The following CHIA variants were observed in gnomAD, a reference collection of about 807,000 sequenced individuals.
CHIA encodes the protein chitinase acidic, also known as acidic mammalian chitinase.
In CHIA, 47 loss-of-function variants were observed where a neutral mutation model predicts 53.5. The ratio of observed to expected loss-of-function variants is 0.88; its 90% confidence interval spans 0.70 to 1.12. CHIA has a LOEUF of 1.12. Ranked by LOEUF, CHIA falls within the 50% of genes most tolerant of loss-of-function variation. The pLI is 0.00. For missense variants in CHIA, 652 were observed against 592.2 expected, an observed-to-expected ratio of 1.10 and a Z score of -1.05; for synonymous variants, 268 against 222.2, an observed-to-expected ratio of 1.21 and a Z score of -1.83.
chr1:111,314,326 T>C (rs1230737349), intron 4 of CHIA, among the ~76,000 whole-genome samples: 1 of 152,230 alleles, frequency 6.6e-6, no homozygotes, highest in Non-Finnish European at 1.5e-5. Context: ...AAGCCCAGTT[T>C]CAAAATTTAG....
intron 1 of CHIA, among the ~76,000 whole-genome samples, chr1:111,303,459 A>G (rs958997770): frequency 5.9e-5 from 9 of 152,110 alleles, no homozygotes; most frequent in Admixed American, 2.6e-4. Context: ...ACACATATAC[A>G]TATATACATA....
At position 111,314,673 on chromosome 1, in the gene CHIA, G is replaced by A. The variant is rs74618736; in HGVS notation, c.314+77G>A. Reference sequence around the variant, plus strand: ...GCCCCATGTGATCACTGTCCCTTTAGACTTCACAATCTAAGACAGGGTATT... The same window carrying A: ...GCCCCATGTGATCACTGTCCCTTTAAACTTCACAATCTAAGACAGGGTATT... On this transcript the variant is annotated intron_variant, in intron 5 of 11. Transcript: ENST00000369740. 3,322 of 1,002,884 alleles carry A rather than the reference G, an allele frequency of 3.3e-3. 9 individuals carry two copies. Among genetic ancestry groups the A allele is most frequent in the Non-Finnish European group, 4.5e-3 (2,817 of 628,378 alleles). 62.1% of individuals were successfully genotyped at this position (1,002,884 alleles called of 1,614,324 possible). A position where few individuals can be genotyped will look rare whatever the true frequency, so the allele number is the denominator to read the frequency against.
intron 1 of CHIA, among the ~76,000 whole-genome samples, chr1:111,306,384 G>A (rs1648188713): frequency 6.6e-6 from 1 of 151,958 alleles, no homozygotes; most frequent in African/African-American, 2.4e-5. Flanking sequence ...AAATTATGCT[G>A]GGGCAAGTAG....
intron 11 of CHIA, 63 bp downstream of exon 11, chr1:111,319,531 C>T: frequency 6.6e-7 from 1 of 1,510,692 alleles, no homozygotes; most frequent in Non-Finnish European, 9.1e-7. Context: ...AAAAAGCAAC[C>T]CTGATGTCTT....
intron 1 of CHIA, among the ~76,000 whole-genome samples, chr1:111,304,477 C>A (rs577259461): frequency 6.6e-6 from 1 of 152,086 alleles, no homozygotes; most frequent in Non-Finnish European, 1.5e-5. Context: ...ACTCTCCTAT[C>A]TTCATGTTTA....
intron 1 of CHIA, among the ~76,000 whole-genome samples, chr1:111,304,906 A>G (rs1212405872): frequency 6.6e-6 from 1 of 151,778 alleles, no homozygotes; most frequent in Non-Finnish European, 1.5e-5. Context: ...GTTTTTTGTT[A>G]CTGTTTTGGT....
Position 111,319,311 on chromosome 1 carries a change from C to G in CHIA, c.1036-16C>G. 6.2e-7 allele frequency: 1 copy of G among 1,614,180 alleles called. No homozygotes were observed. On this transcript the variant is annotated splice_polypyrimidine_tract_variant and intron_variant, in intron 10 of 11. Transcript: ENST00000369740. Reference sequence around the variant, plus strand: ...AGGAAAGCAAGTGATTCCTGTTATCCTCTTTCTTTAAACAGGCTCAATGGC... The same window carrying G: ...AGGAAAGCAAGTGATTCCTGTTATCGTCTTTCTTTAAACAGGCTCAATGGC...
chr1:111,318,767 G>T lies in CHIA; in HGVS notation c.915+89G>T, dbSNP rs142297954. 7 of 1,386,708 alleles carry T rather than the reference G, an allele frequency of 5.0e-6. No individual in the cohort carries two copies. In the African/African-American group the frequency reaches 1.0e-4, roughly 20 times the overall value. The allele number at this position is 1,386,708 out of a possible 1,614,324, so 85.9% of individuals were successfully genotyped here. On this transcript the variant is annotated intron_variant, in intron 9 of 11. Coordinates refer to ENST00000369740, the MANE Select transcript of CHIA (RefSeq NM_201653.4). The stretch of plus-strand genomic sequence containing the variant: ...TGCTGAAATCTTGAATGTTCATTCT[G>T]TCTCCTACCTAAATGCTTTAAACAC...
chr1:111,311,498 G>A (rs12127313), intron 2 of CHIA, among the ~76,000 whole-genome samples, 191 bp from the exon 3 acceptor site: 16,154 of 152,106 alleles, frequency 0.11, 1,082 homozygotes, highest in Non-Finnish European at 0.15. Context: ...AAGGTACCAC[G>A]GTCATTTTTG....
At chr1:111,303,636 C>T (rs1647941006) in intron 1 of CHIA, among the ~76,000 whole-genome samples, 1 of 152,098 alleles carries the variant, frequency 6.6e-6, no homozygotes, top group African/African-American at 2.4e-5. Context: ...TCTTTTACAG[C>T]CCCATTCCCT....
At chr1:111,303,063 T>C (rs1028539697) in intron 1 of CHIA, among the ~76,000 whole-genome samples, 1 of 152,134 alleles carries the variant, frequency 6.6e-6, no homozygotes, top group Non-Finnish European at 1.5e-5. Context: ...GTTACTAATA[T>C]AGCAACTCCT....
At chr1:111,308,845 C>T (rs1043004124) in intron 1 of CHIA, among the ~76,000 whole-genome samples, 1 of 152,142 alleles carries the variant, frequency 6.6e-6, no homozygotes, top group South Asian at 2.1e-4. Context: ...TTCTTCATGT[C>T]TTTCAAATAT....
intron 1 of CHIA, among the ~76,000 whole-genome samples, chr1:111,306,485 G>A (rs6657192): frequency 0.13 from 19,900 of 152,004 alleles, 1,492 homozygotes; most frequent in African/African-American, 0.19. Context: ...ATTTAAAGGT[G>A]ACATTTAAAA....
At chr1:111,295,324 G>A (rs1661273126) in intron 1 of CHIA, among the ~76,000 whole-genome samples, 1 of 152,180 alleles carries the variant, frequency 6.6e-6, no homozygotes, top group Admixed American at 6.5e-5. Flanking sequence ...GGGATTACAG[G>A]CATGAGCCAT....
chr1:111,305,705 G>A (rs766983954), intron 1 of CHIA, among the ~76,000 whole-genome samples: 2 of 152,170 alleles, frequency 1.3e-5, no homozygotes, highest in Non-Finnish European at 2.9e-5. Flanking sequence ...GTCTAGGAAG[G>A]GAGACAGATT....
chr1:111,312,164 TTG>T, intron 3 of CHIA, 24 bp from the exon 4 acceptor site: 1 of 1,596,144 alleles, frequency 6.3e-7, no homozygotes, highest in Non-Finnish European at 8.6e-7. Context: ...AACCAGGCCA[TTG>T]TCCCTCCTGC....
intron 1 of CHIA, among the ~76,000 whole-genome samples, chr1:111,301,556 G>A (rs973397094): frequency 4.6e-5 from 7 of 151,784 alleles, no homozygotes; most frequent in African/African-American, 1.7e-4. Context: ...AAAAAAATTA[G>A]CCAGGCGTGG....
chr1:111,292,699 T>C (rs1230005466), intron 1 of CHIA, among the ~76,000 whole-genome samples: 3 of 152,192 alleles, frequency 2.0e-5, no homozygotes, highest in Non-Finnish European at 4.4e-5. Context: ...ATTCTTTTCA[T>C]CATGTAAAAC....
intron 1 of CHIA, among the ~76,000 whole-genome samples, chr1:111,296,210 A>G (rs4838903): frequency 2.6e-5 from 4 of 152,064 alleles, no homozygotes; most frequent in Admixed American, 6.5e-5. Flanking sequence ...AGAGCAGTGG[A>G]TCTCCCAGCA....
Sources: gnomAD v4.1 joint callset for allele counts (sites outside exome capture counted in the v4.1 genomes callset) on GRCh38, gnomAD v4.1.1 for gene constraint, MANE v1.5 for transcripts, NCBI Gene and HGNC (gene_info 2026-07-23, HGNC 2026-07-21) for gene names.